The following NAV2 variants were observed in gnomAD, a reference collection of about 807,000 sequenced individuals.
NAV2 encodes helicase, APC down-regulated 1.
In NAV2, 54 loss-of-function variants were observed where a neutral mutation model predicts 223.2. That is an observed-to-expected ratio of 0.24 (90% CI 0.19 to 0.30). NAV2 has a LOEUF of 0.30. Among genes scored for constraint, NAV2 ranks in the 10% least tolerant of loss-of-function variants. The pLI is 1.00. For synonymous variants in NAV2, 1,279 were observed against 1,239.3 expected, an observed-to-expected ratio of 1.03 and a Z score of -0.67; for missense variants, 2,806 against 3,147.5, an observed-to-expected ratio of 0.89 and a Z score of 2.60.
At chr11:20,065,332 AG>A (rs60557326) in intron 20 of NAV2, among the ~76,000 whole-genome samples, 1,785 of 152,356 alleles carry the variant, frequency 0.012, 34 homozygotes, top group African/African-American at 0.041. Flanking sequence ...ATTGGATGAC[AG>A]TAGATTCTTT....
At chr11:19,368,582 A>G (rs981462487) in intron 1 of NAV2, among the ~76,000 whole-genome samples, 1 of 152,236 alleles carries the variant, frequency 6.6e-6, no homozygotes, top group African/African-American at 2.4e-5. Context: ...TATGAGGATT[A>G]GATGAGGTCA....
intron 1 of NAV2, among the ~76,000 whole-genome samples, chr11:19,375,869 A>G (rs1421479082): frequency 2.0e-5 from 3 of 152,180 alleles, no homozygotes; most frequent in African/African-American, 4.8e-5. Flanking sequence ...TAGCCTTTCC[A>G]CACAAGATTC....
At chr11:19,345,265 C>A in the NAV2 span, among the ~76,000 whole-genome samples, 1 of 152,224 alleles carries the variant, frequency 6.6e-6, no homozygotes, top group African/African-American at 2.4e-5. This position sits in a 1 kb window ranked among gnomAD's most constrained non-coding sequence, Gnocchi z 5.2. Context: ...GAGTGCAGTG[C>A]GAGACCGGCT....
chr11:20,067,471 C>A (rs2059120424), intron 20 of NAV2, among the ~76,000 whole-genome samples: 1 of 151,908 alleles, frequency 6.6e-6, no homozygotes, highest in Admixed American at 6.6e-5. Context: ...TTGCATGGGA[C>A]ATATTAGACC....
chr11:19,817,740 T>G (rs2059166338), intron 1 of NAV2, among the ~76,000 whole-genome samples: 1 of 152,202 alleles, frequency 6.6e-6, no homozygotes, highest in South Asian at 2.1e-4. Flanking sequence ...CTCTACCCAC[T>G]TGGCCCTGTA....
At chr11:20,028,993 C>T (rs114251622) in intron 11 of NAV2, among the ~76,000 whole-genome samples, 3,573 of 152,228 alleles carry the variant, frequency 0.023, 123 homozygotes, top group African/African-American at 0.078. Flanking sequence ...TAAAAAGGGC[C>T]GCTAACTCAG....
intron 6 of NAV2, among the ~76,000 whole-genome samples, chr11:19,928,720 C>A (rs1249594581): frequency 6.6e-6 from 1 of 152,120 alleles, no homozygotes; most frequent in Non-Finnish European, 1.5e-5. Flanking sequence ...CAGAGACTTG[C>A]CCAGATTTGA....
chr11:20,107,103 A>G (rs1592186804), intron 35 of NAV2: 1 of 80,862 alleles, frequency 1.2e-5, no homozygotes, highest in East Asian at 4.1e-4. Flanking sequence ...TTTAGGACGG[A>G]GTCTCGCTCT....
At chr11:19,940,978 C>T (rs1345708127) in intron 8 of NAV2, among the ~76,000 whole-genome samples, 1 of 152,162 alleles carries the variant, frequency 6.6e-6, no homozygotes, top group Admixed American at 6.5e-5. Context: ...TCTCCATGCA[C>T]ATTCCAGATT....
At chr11:19,629,918 ACT>A (rs1252218325) in intron 1 of NAV2, among the ~76,000 whole-genome samples, 2 of 151,644 alleles carry the variant, frequency 1.3e-5, no homozygotes, top group Non-Finnish European at 2.9e-5. Context: ...GTCCCAAATG[ACT>A]CTCTCACTAT....
intron 14 of NAV2, among the ~76,000 whole-genome samples, 186 bp downstream of exon 14, chr11:20,045,856 G>C (rs1486249826): frequency 1.3e-5 from 2 of 152,186 alleles, no homozygotes; most frequent in East Asian, 3.8e-4. Flanking sequence ...GAAAAACTTA[G>C]GCCTCTGGAA....
intron 11 of NAV2, among the ~76,000 whole-genome samples, chr11:19,988,446 C>A (rs1208419857): frequency 1.3e-5 from 2 of 150,448 alleles, no homozygotes; most frequent in Admixed American, 6.6e-5. Context: ...ACAAAAAAAA[C>A]AAATGCTGTG....
intron 1 of NAV2, among the ~76,000 whole-genome samples, chr11:19,669,118 T>A (rs573127304): frequency 3.7e-4 from 56 of 152,182 alleles, no homozygotes; most frequent in African/African-American, 1.3e-3. Flanking sequence ...AGCACCAAAG[T>A]TTTATTGAGC....
intron 1 of NAV2, among the ~76,000 whole-genome samples, chr11:19,794,122 G>T (rs1304023483): frequency 6.6e-6 from 1 of 152,084 alleles, no homozygotes; most frequent in Admixed American, 6.6e-5. Flanking sequence ...TGAATTCCTG[G>T]TACCTCACAG....
chr11:19,970,047 G>GTC (rs951399377), intron 10 of NAV2, among the ~76,000 whole-genome samples: 6 of 151,940 alleles, frequency 3.9e-5, no homozygotes, highest in Non-Finnish European at 5.9e-5. Flanking sequence ...TGTGAATGTG[G>GTC]TCTCTCTCTC....
chr11:19,728,746 G>A (rs2051471068), intron 1 of NAV2, among the ~76,000 whole-genome samples: 1 of 152,232 alleles, frequency 6.6e-6, no homozygotes, highest in African/African-American at 2.4e-5. Context: ...GTATGTCTGT[G>A]TGTGTTTTCT....
intron 1 of NAV2, among the ~76,000 whole-genome samples, chr11:19,525,108 G>T (rs550227986): frequency 6.6e-6 from 1 of 152,212 alleles, no homozygotes; most frequent in African/African-American, 2.4e-5. Context: ...AAGCTAAAGT[G>T]CAGTGTGTCC....
At position 19,651,660 on chromosome 11, in the gene NAV2, A is replaced by G. The variant is rs115152779; in HGVS notation, c.76-180824A>G. Reference sequence around the variant, plus strand: ...CTTTGAAATTTCATTGTGAGAAGTAAGTGGGATGATGTATGTGAAGCACTT... The same window carrying G: ...CTTTGAAATTTCATTGTGAGAAGTAGGTGGGATGATGTATGTGAAGCACTT... On this transcript the variant is annotated intron_variant, in intron 1 of 37. Coordinates refer to the NAV2 transcript ENST00000360655. Among the ~76,000 whole-genome samples, 289 of 152,350 alleles carry G rather than the reference A, an allele frequency of 1.9e-3. 1 individual carries two copies. Among genetic ancestry groups the G allele is most frequent in the African/African-American group, 6.3e-3 (261 of 41,592 alleles).
intron 1 of NAV2, among the ~76,000 whole-genome samples, chr11:19,386,287 G>A (rs1849039911): frequency 6.6e-6 from 1 of 152,156 alleles, no homozygotes. Flanking sequence ...GAGGGGTTCT[G>A]GTTTTGAAGT....
Sources: gnomAD v4.1 joint callset for allele counts (sites outside exome capture counted in the v4.1 genomes callset) on GRCh38, gnomAD v4.1.1 for gene constraint, Gnocchi (gnomAD v3.1) non-coding constraint, MANE v1.5 for transcripts, NCBI Gene and HGNC (gene_info 2026-07-23, HGNC 2026-07-21) for gene names.